The following SLC4A1 variants were observed in gnomAD, a reference collection of about 807,000 sequenced individuals.
The protein encoded by SLC4A1 is solute carrier family 4 member 1 (Diego blood group).
In SLC4A1, 29 loss-of-function variants were observed where a neutral mutation model predicts 93.1. The observed-to-expected ratio is 0.31, with a 90% CI of 0.23 to 0.42. The LOEUF is 0.42. Ranked by LOEUF, SLC4A1 falls within the 20% of genes least tolerant of loss-of-function variation. SLC4A1 has a pLI of 1.00. For missense variants in SLC4A1, 965 were observed against 1,190.1 expected (o/e 0.81, Z 2.78); for synonymous variants, 469 against 497.2 (o/e 0.94, Z 0.76).
In SLC4A1 at chr17:44,258,630, G is replaced by A. The variant is rs1463572195; in HGVS notation, c.877-7C>T. On this transcript the variant is annotated splice_region_variant and splice_polypyrimidine_tract_variant and intron_variant, in intron 9 of 19. Coordinates refer to ENST00000262418, the MANE Select transcript of SLC4A1 (RefSeq NM_000342.4). This position sits in a 1 kb window ranked among gnomAD's most constrained non-coding sequence, Gnocchi z 6.1. ...AGGCATCTATGCGGAACACCTAGGGGCAGGAGACAGGGTCAGAGCTGCCCG... is the reference window on the plus strand; with the variant it reads ...AGGCATCTATGCGGAACACCTAGGGACAGGAGACAGGGTCAGAGCTGCCCG... The A allele has an allele frequency of 7.6e-6, 12 of 1,579,992 alleles. No homozygotes were observed. Among genetic ancestry groups the A allele is most frequent in the Non-Finnish European group, 1.0e-5 (12 of 1,164,312 alleles).
chr17:44,253,549 G>T (rs919219267), intron 16 of SLC4A1, among the ~76,000 whole-genome samples, 178 bp from the exon 17 acceptor site: 2 of 142,924 alleles, frequency 1.4e-5, no homozygotes, highest in African/African-American at 5.1e-5. Context: ...CTTAAGAGCA[G>T]AAATGTCTTC....
rs2047437768 is a variant in SLC4A1 at position 44,260,814 on chromosome 17, A to G, written c.170T>C (p.Val57Ala). 1.2e-6 allele frequency: 2 copies of G among 1,611,158 alleles called. No individual in the cohort carries two copies. Among genetic ancestry groups the G allele is most frequent in the Non-Finnish European group, 1.7e-6 (2 of 1,179,946 alleles). Residue 57 changes from valine to alanine, a missense_variant and splice_region_variant, in exon 5 of 20, where the codon GTC becomes GCC. Coordinates refer to ENST00000262418, the MANE Select transcript of SLC4A1 (RefSeq NM_000342.4). ...HTTSHPGTHKVYVELQELVMD... is the reference protein window; with the variant it reads ...HTTSHPGTHKAYVELQELVMD... ...CACCAGCTCCTGCAGCTCCACATAG[A>G]CCTGTGGCCCCATGCGCCTGAGTTA...
chr17:44,265,974 C>T (rs959816461), intron 1 of SLC4A1, among the ~76,000 whole-genome samples: 4 of 148,024 alleles, frequency 2.7e-5, no homozygotes, highest in East Asian at 2.0e-4. Flanking sequence ...AGCGAGACTC[C>T]GTCTCAAAAA....
Position 44,257,334 on chromosome 17 carries a change from C to G in SLC4A1, c.1626+16G>C, listed in dbSNP as rs2047397911. 6.2e-7 allele frequency: 1 copy of G among 1,612,724 alleles called. No individual in the cohort carries two copies. Among genetic ancestry groups the G allele is most frequent in the Non-Finnish European group, 8.5e-7 (1 of 1,178,900 alleles). ...CACAACCTCCCGTGTGCATTAACAT[C>G]CCCATAGGCCCCCACCTTGATCAGC... On this transcript the variant is annotated intron_variant, in intron 13 of 19. Coordinates refer to ENST00000262418, the MANE Select transcript of SLC4A1 (RefSeq NM_000342.4).
chr17:44,267,654 T>C (rs1024496031), intron 1 of SLC4A1, among the ~76,000 whole-genome samples: 1 of 152,204 alleles, frequency 6.6e-6, no homozygotes, highest in Non-Finnish European at 1.5e-5. Context: ...GGGGATACTG[T>C]GTCAGCTGAC....
At chr17:44,250,933 C>T (rs1450241672) in intron 19 of SLC4A1, among the ~76,000 whole-genome samples, 1 of 152,190 alleles carries the variant, frequency 6.6e-6, no homozygotes, top group African/African-American at 2.4e-5. Flanking sequence ...TCTTGACGCT[C>T]TCCCCAGTCG....
intron 13 of SLC4A1, among the ~76,000 whole-genome samples, chr17:44,256,134 A>G (rs1032039798): frequency 2.0e-5 from 3 of 152,052 alleles, no homozygotes; most frequent in African/African-American, 7.2e-5. Context: ...CCACTCATTC[A>G]TCAATCATCC....
At chr17:44,259,679 G>T in intron 7 of SLC4A1, 98 bp from the exon 8 acceptor site, 1 of 1,521,778 alleles carries the variant, frequency 6.6e-7, no homozygotes, top group East Asian at 2.3e-5. Flanking sequence ...AACTCTCCTG[G>T]CACCCCCCGG....
chr17:44,252,005 G>C (rs2047346895), intron 17 of SLC4A1, among the ~76,000 whole-genome samples: 1 of 144,208 alleles, frequency 6.9e-6, no homozygotes, highest in Non-Finnish European at 1.5e-5. Flanking sequence ...GCCTCCCAAA[G>C]TGTTGAGATC....
Position 44,250,512 on chromosome 17 carries a change from G to T in SLC4A1, c.2682C>A (p.Thr894=), listed in dbSNP as rs765560728. The change falls in exon 20 of 20, where the codon ACC becomes ACA. Residue 894 remains threonine, a synonymous_variant. Coordinates refer to ENST00000262418, the MANE Select transcript of SLC4A1 (RefSeq NM_000342.4). ...QCLDADDAKA[T]FDEEEGRDEY... is the part of the protein sequence containing the mutation. ...CATCCCGACCTTCCTCCTCATCAAA[G>T]GTTGCCTTGGCATCATCAGCATCCA... The T allele has an allele frequency of 6.2e-7, 1 of 1,613,924 alleles. No individual in the cohort carries two copies. The highest frequency in any genetic ancestry group is 1.1e-5 in the South Asian group (1 of 91,078).
Position 44,252,712 on chromosome 17 carries a change from G to A in SLC4A1, c.2311+406C>T, listed in dbSNP as rs376810244. Reference sequence around the variant, plus strand: ...AGCACCGCCCCTTGTATCAGTCATGGAGCAGCTGAGCTGGAAGAGAACTGG... The same window carrying A: ...AGCACCGCCCCTTGTATCAGTCATGAAGCAGCTGAGCTGGAAGAGAACTGG... On this transcript the variant is annotated intron_variant, in intron 17 of 19. Coordinates refer to ENST00000262418, the MANE Select transcript of SLC4A1 (RefSeq NM_000342.4). Among the ~76,000 whole-genome samples, 60 of 152,340 alleles carry A rather than the reference G, an allele frequency of 3.9e-4. No individual in the cohort carries two copies. The East Asian group carries it at 9.6e-3, about 24-fold the overall frequency.
At chr17:44,260,368 T>C in intron 6 of SLC4A1, 36 bp downstream of exon 6, 1 of 1,599,684 alleles carries the variant, frequency 6.3e-7, no homozygotes, top group South Asian at 1.1e-5. Flanking sequence ...GTGGGCCCAC[T>C]GGATATGGAA....
chr17:44,254,006 C>T (rs1186974288), intron 16 of SLC4A1, among the ~76,000 whole-genome samples: 1 of 119,178 alleles, frequency 8.4e-6, no homozygotes, highest in East Asian at 3.0e-4. Flanking sequence ...TGGAGTTTCA[C>T]TCTCGTTGCC....
Position 44,254,406 on chromosome 17 carries a change from A to G in SLC4A1, c.2057+90T>C, listed in dbSNP as rs2047370186. The G allele has an allele frequency of 3.2e-6, 4 of 1,250,400 alleles. No individual in the cohort carries two copies. In the South Asian group the frequency reaches 5.1e-5, roughly 16 times the overall value. 77.5% of individuals were successfully genotyped at this position (1,250,400 alleles called of 1,614,324 possible). On this transcript the variant is annotated intron_variant, in intron 16 of 19. Coordinates refer to ENST00000262418, the MANE Select transcript of SLC4A1 (RefSeq NM_000342.4). ...CACACACCCGCAGGGACTAGCTTGC[A>G]GTCCTGGGTCTCTTGCCTGCCTGGG...
At chr17:44,251,096 G>A (rs2047334287) in intron 19 of SLC4A1, 63 bp downstream of exon 19, 1 of 1,526,888 alleles carries the variant, frequency 6.5e-7, no homozygotes, top group African/African-American at 1.4e-5. Flanking sequence ...GCCTGCCCTA[G>A]TTCTGAGACG....
chr17:44,261,981 C>G, intron 3 of SLC4A1: 2 of 1,212,182 alleles, frequency 1.6e-6, no homozygotes, highest in Non-Finnish European at 2.1e-6. Flanking sequence ...AGGACCTCCT[C>G]CCTCCCCTGC....
At chr17:44,255,990 T>C in intron 13 of SLC4A1, 144 bp from the exon 14 acceptor site, 1 of 802,992 alleles carries the variant, frequency 1.2e-6, no homozygotes, top group Non-Finnish European at 2.2e-6. Flanking sequence ...CACCCATCCA[T>C]CATTCATCTA....
In SLC4A1 at chr17:44,258,751, T is replaced by C; in HGVS notation, c.877-128A>G. 1 of 857,554 alleles carries C rather than the reference T, an allele frequency of 1.2e-6. No individual in the cohort carries two copies. Among genetic ancestry groups the C allele is most frequent in the Non-Finnish European group, 1.9e-6 (1 of 524,658 alleles). 53.1% of individuals were successfully genotyped at this position (857,554 alleles called of 1,614,324 possible). ...AGCTCCCATTGCCAGGAACTGCTTT[T>C]CCTGCCCGCTCCCACCCCTACTCTC... On this transcript the variant is annotated intron_variant, in intron 9 of 19. Coordinates refer to ENST00000262418, the MANE Select transcript of SLC4A1 (RefSeq NM_000342.4). This position sits in a 1 kb window ranked among gnomAD's most constrained non-coding sequence, Gnocchi z 6.1.
At chr17:44,250,672 C>A in intron 19 of SLC4A1, 134 bp from the exon 20 acceptor site, 1 of 713,210 alleles carries the variant, frequency 1.4e-6, no homozygotes, top group South Asian at 1.5e-5. Context: ...CCTGTTTTAT[C>A]TCCCCAGCAG....
Sources: gnomAD v4.1 joint callset for allele counts (sites outside exome capture counted in the v4.1 genomes callset) on GRCh38, gnomAD v4.1.1 for gene constraint, Gnocchi (gnomAD v3.1) non-coding constraint, MANE v1.5 for transcripts, NCBI Gene and HGNC (gene_info 2026-07-23, HGNC 2026-07-21) for gene names.